The following CYP3A43 variants were observed in gnomAD, a reference collection of about 807,000 sequenced individuals.
The protein encoded by CYP3A43 is cytochrome P450 3A43.
A neutral mutation model predicts 58.0 loss-of-function variants in CYP3A43; 45 were observed. That is an observed-to-expected ratio of 0.78 (90% CI 0.61 to 0.99). The LOEUF is 0.99. CYP3A43 is among the 50% of genes least tolerant of loss of function. CYP3A43 has a pLI of 0.00. For synonymous variants in CYP3A43, 191 were observed against 201.4 expected, an observed-to-expected ratio of 0.95 and a Z score of 0.44; for missense variants, 593 against 591.9, an observed-to-expected ratio of 1.00 and a Z score of -0.02.
intron 5 of CYP3A43, chr7:99,847,883 A>G (rs962729069): frequency 5.8e-6 from 3 of 514,732 alleles, no homozygotes; most frequent in Non-Finnish European, 1.0e-5. Flanking sequence ...ATGGTGGCGG[A>G]TGCCTATAAT....
At chr7:99,860,918 G>A (rs1818204011) in intron 10 of CYP3A43, among the ~76,000 whole-genome samples, 1 of 151,872 alleles carries the variant, frequency 6.6e-6, no homozygotes, top group Non-Finnish European at 1.5e-5. Context: ...TCGTCGCCCA[G>A]GCTGGACTGC....
At position 99,855,581 on chromosome 7, in the gene CYP3A43, T is replaced by A. The variant is rs1817942684; in HGVS notation, c.671-10T>A. 1 of 1,579,660 alleles carries A rather than the reference T, an allele frequency of 6.3e-7. No individual in the cohort carries two copies. Among genetic ancestry groups the A allele is most frequent in the Middle Eastern group, 1.7e-4 (1 of 5,912 alleles). On this transcript the variant is annotated splice_polypyrimidine_tract_variant and intron_variant, in intron 7 of 12. Coordinates refer to ENST00000354829, the MANE Select transcript of CYP3A43 (RefSeq NM_057095.3). ...TTTATTTTTTCTTTTTCTATTTAATTTTCCTATAGCACTCTTTCCATTTCT... is the reference window on the plus strand; with the variant it reads ...TTTATTTTTTCTTTTTCTATTTAATATTCCTATAGCACTCTTTCCATTTCT...
At chr7:99,844,493 A>ATG (rs1256605448) in intron 4 of CYP3A43, among the ~76,000 whole-genome samples, 2 of 152,050 alleles carry the variant, frequency 1.3e-5, no homozygotes, top group African/African-American at 4.8e-5. Context: ...GTGGGTGTAT[A>ATG]TGTGTGTGTG....
chr7:99,828,794 G>T (rs1352280436), intron 1 of CYP3A43, among the ~76,000 whole-genome samples: 1 of 152,156 alleles, frequency 6.6e-6, no homozygotes, highest in African/African-American at 2.4e-5. Context: ...GAAGTGCAGG[G>T]TTGCTCTGAA....
chr7:99,855,738 AC>A lies in CYP3A43; in HGVS notation c.798+21del. 6.3e-7 allele frequency: 1 copy of A among 1,588,912 alleles called. No individual in the cohort carries two copies. Among genetic ancestry groups the A allele is most frequent in the Non-Finnish European group, 8.6e-7 (1 of 1,167,748 alleles). On this transcript the variant is annotated intron_variant, in intron 8 of 12. Coordinates refer to ENST00000354829, the MANE Select transcript of CYP3A43 (RefSeq NM_057095.3). ...CAAAAGGTAAAATCTGGTGGTGGTG[AC>A]ATGAGAATGTTCACTTTTTTATTAT...
chr7:99,840,975 C>T (rs530265699), intron 3 of CYP3A43, among the ~76,000 whole-genome samples: 2 of 152,250 alleles, frequency 1.3e-5, no homozygotes, highest in East Asian at 3.9e-4. Context: ...CCTTGATCTC[C>T]CATAAAATGT....
At chr7:99,833,753 C>T (rs1816945040) in intron 1 of CYP3A43, among the ~76,000 whole-genome samples, 1 of 152,240 alleles carries the variant, frequency 6.6e-6, no homozygotes, top group African/African-American at 2.4e-5. Context: ...GCTTTTTCTT[C>T]TACCGGCAGC....
At chr7:99,840,207 T>C (rs1817276745) in intron 3 of CYP3A43, among the ~76,000 whole-genome samples, 1 of 152,214 alleles carries the variant, frequency 6.6e-6, no homozygotes, top group African/African-American at 2.4e-5. Context: ...GCCCTCACTA[T>C]CTGCCTAAAT....
intron 2 of CYP3A43, among the ~76,000 whole-genome samples, chr7:99,837,330 A>AG (rs1817135828): frequency 6.6e-6 from 1 of 151,450 alleles, no homozygotes; most frequent in African/African-American, 2.4e-5. Context: ...AAAAAAAAAA[A>AG]AAAAAGAAAA....
At position 99,836,562 on chromosome 7, in the gene CYP3A43, G is replaced by C; in HGVS notation, c.165+16G>C. The C allele has an allele frequency of 6.4e-7, 1 of 1,551,188 alleles. No individual in the cohort carries two copies. ...CTACCTTAGGGTAAGTGTTATTTGA[G>C]CTCCCTCTTTTGCTTCTTATCGATG... On this transcript the variant is annotated intron_variant, in intron 2 of 12. Transcript: ENST00000354829.
rs368834095 is a variant in CYP3A43 at position 99,859,830 on chromosome 7, C to T, written c.866C>T (p.Ala289Val). The change falls in exon 10 of 13, where the codon GCT becomes GTT. Residue 289 changes from alanine to valine, a missense_variant and splice_region_variant. Coordinates refer to ENST00000354829, the MANE Select transcript of CYP3A43 (RefSeq NM_057095.3). ...TAAAATATATTTCCTCTCCTTTCAG[C>T]TCTGTCTGATCTGGAGCTTGTGGCC... ...QNSKETKSHK[A>V]LSDLELVAQS... 6 of 1,614,048 alleles carry T rather than the reference C, an allele frequency of 3.7e-6. 1 individual carries two copies. Among genetic ancestry groups the T allele is most frequent in the Non-Finnish European group, 5.1e-6 (6 of 1,180,030 alleles).
intron 9 of CYP3A43, 48 bp from the exon 10 acceptor site, chr7:99,859,782 T>A (rs780345568): frequency 6.2e-7 from 1 of 1,607,738 alleles, no homozygotes; most frequent in Non-Finnish European, 8.5e-7. Context: ...TAAACTGTGA[T>A]GCTCTACACT....
chr7:99,848,531 A>G (rs1817625377), intron 6 of CYP3A43, among the ~76,000 whole-genome samples: 1 of 152,218 alleles, frequency 6.6e-6, no homozygotes, highest in African/African-American at 2.4e-5. Flanking sequence ...TTGTGTAGAA[A>G]GAAAAAATAA....
At position 99,859,852 on chromosome 7, in the gene CYP3A43, G is replaced by A. The variant is rs758962135; in HGVS notation, c.888G>A (p.Val296=). 4 of 1,613,938 alleles carry A rather than the reference G, an allele frequency of 2.5e-6. No homozygotes were observed. Among genetic ancestry groups the A allele is most frequent in the Non-Finnish European group, 1.7e-6 (2 of 1,180,008 alleles). ...SHKALSDLEL[V]AQSIIIIFAA... is the part of the protein sequence containing the mutation. Reference sequence around the variant, plus strand: ...CAGCTCTGTCTGATCTGGAGCTTGTGGCCCAGTCAATTATCATCATTTTTG... The same window carrying A: ...CAGCTCTGTCTGATCTGGAGCTTGTAGCCCAGTCAATTATCATCATTTTTG... The change falls in exon 10 of 13, where the codon GTG becomes GTA. Residue 296 remains valine, a synonymous_variant. Coordinates refer to ENST00000354829, the MANE Select transcript of CYP3A43 (RefSeq NM_057095.3).
chr7:99,848,860 C>T (rs938806999), intron 6 of CYP3A43, among the ~76,000 whole-genome samples: 6 of 152,222 alleles, frequency 3.9e-5, no homozygotes, highest in Non-Finnish European at 5.9e-5. Context: ...GTAAGCTGAG[C>T]CTGTCCTGGG....
chr7:99,847,610 A>G lies in CYP3A43; in HGVS notation c.432+9A>G. On this transcript the variant is annotated intron_variant, in intron 5 of 12. Coordinates refer to ENST00000354829, the MANE Select transcript of CYP3A43 (RefSeq NM_057095.3). ...GTGTAAAATTCAAGGAAGTAAGAAA[A>G]TAAGGTGATTTATAATTAGAAACTT... The G allele has an allele frequency of 6.2e-7, 1 of 1,613,336 alleles. No homozygotes were observed. The highest frequency in any genetic ancestry group is 8.5e-7 in the Non-Finnish European group (1 of 1,179,588).
intron 1 of CYP3A43, among the ~76,000 whole-genome samples, chr7:99,832,814 TC>T (rs1479714282): frequency 6.6e-6 from 1 of 152,134 alleles, no homozygotes; most frequent in Non-Finnish European, 1.5e-5. Flanking sequence ...CCCTTCACCT[TC>T]CACCATGATT....
chr7:99,838,300 T>C (rs1278664444), intron 2 of CYP3A43, among the ~76,000 whole-genome samples: 1 of 152,254 alleles, frequency 6.6e-6, no homozygotes, highest in African/African-American at 2.4e-5. Flanking sequence ...GGACTTTTAT[T>C]TAAATCTGCT....
intron 12 of CYP3A43, among the ~76,000 whole-genome samples, chr7:99,865,516 GC>G (rs1010778629): frequency 5.4e-5 from 8 of 148,664 alleles, no homozygotes. Context: ...GGATTACCTT[GC>G]AAGTTTCATC....
Sources: allele counts gnomAD v4.1 joint callset (sites outside exome capture counted in the v4.1 genomes callset), GRCh38; gene constraint gnomAD v4.1.1; transcripts MANE v1.5; gene names NCBI Gene and HGNC (gene_info 2026-07-23, HGNC 2026-07-21).